RIPK1: variants seen among roughly 807,000 people sequenced by gnomAD.
The protein encoded by RIPK1 is receptor-interacting serine/threonine-protein kinase 1.
A neutral mutation model predicts 62.4 loss-of-function variants in RIPK1; 27 were observed. The observed-to-expected ratio is 0.43, with a 90% CI of 0.32 to 0.60. RIPK1 has a LOEUF of 0.60. RIPK1 is among the 20% of genes least tolerant of loss of function. RIPK1 has a pLI of 0.07. For synonymous variants in RIPK1, 287 were observed against 303.2 expected, an observed-to-expected ratio of 0.95 and a Z score of 0.55; for missense variants, 735 against 831.0, an observed-to-expected ratio of 0.88 and a Z score of 1.42.
At chr6:3,077,107 A>ATG in intron 2 of RIPK1, 120 bp downstream of exon 2, 1 of 880,606 alleles carries the variant, frequency 1.1e-6, no homozygotes, top group Admixed American at 2.8e-5. Flanking sequence ...GCCTGCCAAG[A>ATG]TGTCAGGGTG....
chr6:3,065,264 CAAAAAAAAA>C (rs57722248), upstream of RIPK1, among the ~76,000 whole-genome samples: 2 of 40,636 alleles, frequency 4.9e-5, no homozygotes, highest in East Asian at 8.0e-4. Context: ...GACTCCGTCT[CAAAAAAAAA>C]AAAAAAAAAA....
rs1436225817 is a variant in RIPK1 at position 3,083,392 on chromosome 6, A to C, written c.688+79A>C. The C allele has an allele frequency of 3.2e-6, 4 of 1,243,818 alleles. No homozygotes were observed. The East Asian group carries it at 1.0e-4, about 32-fold the overall frequency. The allele number at this position is 1,243,818 out of a possible 1,614,324, so 77.0% of individuals were successfully genotyped here. ...GCCTGGAACTAATAGGTGCCCAGTA[A>C]ATTTTTGTTGAATGAATGAGTAATC... is the stretch of plus-strand genomic sequence containing the variant. On this transcript the variant is annotated intron_variant, in intron 5 of 10. Transcript: ENST00000259808.
Position 3,096,902 on chromosome 6 carries a change from G to T in RIPK1, c.915+7245G>T, listed in dbSNP as rs17548483. ...TGTTTTGTTTTTGAGACAGAGTCTT[G>T]CTCTGTTGCCCACGCTGGAGTTCAG... On this transcript the variant is annotated intron_variant, in intron 7 of 10. Transcript: ENST00000259808. Among the ~76,000 whole-genome samples, 589 of 151,782 alleles carry T rather than the reference G, an allele frequency of 3.9e-3. 4 individuals are homozygous for T. The highest frequency in any genetic ancestry group is 0.014 in the African/African-American group (573 of 41,350).
intron 4 of RIPK1, among the ~76,000 whole-genome samples, chr6:3,081,494 T>TC (rs1759379366): frequency 6.6e-6 from 1 of 152,172 alleles, no homozygotes; most frequent in Admixed American, 6.5e-5. Context: ...TCACCAAGAC[T>TC]CTCCTCCTCT....
In RIPK1 at chr6:3,105,560, C is replaced by T; in HGVS notation, c.1085C>T (p.Ser362Phe). ...GPVEESWFAP[S>F]LEHPQEENEP... ...GTGGAGGAGTCCTGGTTTGCTCCTT[C>T]CCTGGAGCACCCACAAGAAGAGAAT... The change falls in exon 9 of 11, where the codon TCC (serine) becomes TTC (phenylalanine). Residue 362 changes from serine (S) to phenylalanine (F), a missense_variant. Coordinates refer to ENST00000259808, the MANE Select transcript of RIPK1 (RefSeq NM_001354930.2). This position sits in a 1 kb window ranked among gnomAD's most constrained non-coding sequence, Gnocchi z 4.5. The T allele has an allele frequency of 6.2e-7, 1 of 1,612,152 alleles. No homozygotes were observed. The highest frequency in any genetic ancestry group is 8.5e-7 in the Non-Finnish European group (1 of 1,178,838).
At chr6:3,068,392 G>A (rs1213725790), upstream of RIPK1, 1 of 985,442 alleles carries the variant, frequency 1.0e-6, no homozygotes, top group Non-Finnish European at 1.2e-6. Flanking sequence ...GAGAGCTCCG[G>A]GACTCAGACC....
chr6:3,108,340 T>G (rs955034896), intron 9 of RIPK1, among the ~76,000 whole-genome samples: 2 of 152,026 alleles, frequency 1.3e-5, no homozygotes, highest in Non-Finnish European at 2.9e-5. Context: ...CAACTGAAAA[T>G]TTATATATTA....
chr6:3,086,081 GAAAGTATTT>G (rs1759676005), intron 6 of RIPK1, among the ~76,000 whole-genome samples: 1 of 12,582 alleles, frequency 7.9e-5, no homozygotes, highest in Non-Finnish European at 4.5e-3. Flanking sequence ...GGCATCTTTA[GAAAGTATTT>G]TGCCGTCTAG....
At position 3,105,926 on chromosome 6, in the gene RIPK1, C is replaced by T. The variant is rs1386796985; in HGVS notation, c.1451C>T (p.Ala484Val). 6.2e-7 allele frequency: 1 copy of T among 1,614,054 alleles called. No individual in the cohort carries two copies. Among genetic ancestry groups the T allele is most frequent in the Non-Finnish European group, 8.5e-7 (1 of 1,179,934 alleles). Residue 484 changes from alanine (A) to valine (V), a missense_variant, in exon 9 of 11, where the codon GCA (alanine) becomes GTA (valine). Transcript: ENST00000259808. The surrounding 1 kb of genome is among the most constrained non-coding windows in gnomAD (Gnocchi z 4.5). The part of the protein sequence containing the change: ...FGTRPLDPGT[A>V]GPRVWYRPIP... ...ACAAGACCACTGGATCCAGGAACAG[C>T]AGGTCCCAGAGTTTGGTACAGGCCA... is the stretch of plus-strand genomic sequence containing the variant.
intron 8 of RIPK1, among the ~76,000 whole-genome samples, chr6:3,104,954 C>G (rs984500122): frequency 6.6e-6 from 1 of 151,994 alleles, no homozygotes; most frequent in African/African-American, 2.4e-5. Context: ...CAGGTTCAAG[C>G]GATTCTTCTG....
chr6:3,094,236 A>G (rs150589537), intron 7 of RIPK1, among the ~76,000 whole-genome samples: 2 of 150,916 alleles, frequency 1.3e-5, no homozygotes, highest in African/African-American at 2.5e-5. Flanking sequence ...ACTGCAGTGC[A>G]CCTACCTTTA....
At chr6:3,087,684 C>A (rs891323695) in intron 6 of RIPK1, among the ~76,000 whole-genome samples, 1 of 151,882 alleles carries the variant, frequency 6.6e-6, no homozygotes, top group Non-Finnish European at 1.5e-5. Flanking sequence ...GGACTACAGA[C>A]ACCCGCCACC....
intron 7 of RIPK1, among the ~76,000 whole-genome samples, chr6:3,098,788 A>G (rs1212958606): frequency 6.6e-6 from 1 of 152,210 alleles, no homozygotes; most frequent in African/African-American, 2.4e-5. Context: ...TTGGGGTGCA[A>G]GGAAGGAGTG....
intron 7 of RIPK1, among the ~76,000 whole-genome samples, chr6:3,094,535 C>G (rs1760181999): frequency 6.6e-6 from 1 of 150,878 alleles, no homozygotes; most frequent in African/African-American, 2.4e-5. Flanking sequence ...ATAAAATGCA[C>G]TTTGCAAAGG....
upstream of RIPK1, among the ~76,000 whole-genome samples, chr6:3,065,509 G>T (rs1238763961): frequency 6.6e-6 from 1 of 151,876 alleles, no homozygotes; most frequent in Admixed American, 6.6e-5. Context: ...AAATGTGGGC[G>T]TAGAGGGCAG....
chr6:3,105,751 T>C lies in RIPK1; in HGVS notation c.1276T>C (p.Tyr426His), dbSNP rs768402073. The change falls in exon 9 of 11, where the codon TAC (tyrosine) becomes CAC (histidine). Residue 426 changes from tyrosine (Y) to histidine (H), a missense_variant. Physicochemically the swap from Tyr to His is moderately conservative, Grantham distance 83 (BLOSUM62 2). Transcript: ENST00000259808. The surrounding 1 kb of genome is among the most constrained non-coding windows in gnomAD (Gnocchi z 4.5). ...TGACCCTTTTGCACAGCAAAGACCT[T>C]ACGAGAATTTTCAGAATACAGAGGG... ...SHDPFAQQRPYENFQNTEGKG... is the reference protein window; with the variant it reads ...SHDPFAQQRPHENFQNTEGKG... The C allele has an allele frequency of 2.5e-6, 4 of 1,614,182 alleles. No homozygotes were observed. The highest frequency in any genetic ancestry group is 3.4e-6 in the Non-Finnish European group (4 of 1,180,030).
intron 1 of RIPK1, among the ~76,000 whole-genome samples, chr6:3,073,943 A>T (rs1014141320): frequency 4.7e-4 from 71 of 152,352 alleles, no homozygotes; most frequent in African/African-American, 1.6e-3. Context: ...CTTTCCCGTC[A>T]TCTGTCCGTC....
At chr6:3,081,255 C>A in intron 4 of RIPK1, 139 bp downstream of exon 4, 1 of 933,632 alleles carries the variant, frequency 1.1e-6, no homozygotes, top group Non-Finnish European at 1.6e-6. Context: ...TGCCGAAAGG[C>A]TCTACCGGTG....
At chr6:3,080,702 G>GTTCT (rs1759327617) in intron 3 of RIPK1, among the ~76,000 whole-genome samples, 1 of 151,946 alleles carries the variant, frequency 6.6e-6, no homozygotes. Flanking sequence ...ATATATTTTT[G>GTTCT]TTCTCAAGGA....
Sources: allele counts gnomAD v4.1 joint callset (sites outside exome capture counted in the v4.1 genomes callset), GRCh38; gene constraint gnomAD v4.1.1; non-coding constraint Gnocchi (gnomAD v3.1); transcripts MANE v1.5; gene names NCBI Gene and HGNC (gene_info 2026-07-23, HGNC 2026-07-21).